Variants in RPRD2 observed in about 807,000 individuals in gnomAD.
RPRD2 encodes regulation of nuclear pre-mRNA domain-containing protein 2.
Under a neutral mutation model 104.4 loss-of-function variants are expected in RPRD2, and 12 were observed. The observed-to-expected ratio is 0.11, with a 90% CI of 0.07 to 0.19. RPRD2 has a LOEUF of 0.19. Ranked by LOEUF, RPRD2 falls within the 10% of genes least tolerant of loss-of-function variation. The pLI, the probability that RPRD2 is intolerant of heterozygous loss-of-function variation, is 1.00. For synonymous variants in RPRD2, 714 were observed against 684.9 expected, an observed-to-expected ratio of 1.04 and a Z score of -0.66; for missense variants, 1,543 against 1,790.1, an observed-to-expected ratio of 0.86 and a Z score of 2.49.
rs775145664 is a variant in RPRD2 at position 150,472,998 on chromosome 1, G to A, written c.4050G>A (p.Gly1350=). Residue 1350 remains glycine (G), a synonymous_variant, in exon 11 of 11, where the codon GGG becomes GGA. Transcript: ENST00000369068. ...FGVLPGPRDH[G]GPTQRDLNGP... is the part of the protein sequence containing the mutation. The stretch of plus-strand genomic sequence containing the variant: ...TACTCCCAGGACCCAGGGACCACGG[G>A]GGCCCCACCCAACGGGACCTCAACG... 9 of 1,613,998 alleles carry A rather than the reference G, an allele frequency of 5.6e-6. No homozygotes were observed. The Admixed American group carries it at 1.5e-4, about 27-fold the overall frequency.
intron 2 of RPRD2, among the ~76,000 whole-genome samples, chr1:150,430,803 C>T (rs782675537): frequency 6.6e-6 from 1 of 152,006 alleles, no homozygotes; most frequent in Admixed American, 6.6e-5. Context: ...GTGGCGCATG[C>T]CTGTAATCCA....
At chr1:150,389,520 A>C (rs782698258) in intron 1 of RPRD2, among the ~76,000 whole-genome samples, 5 of 152,126 alleles carry the variant, frequency 3.3e-5, no homozygotes, top group Admixed American at 6.6e-5. Flanking sequence ...TGATATCAAG[A>C]GTGTCCATCC....
intron 1 of RPRD2, among the ~76,000 whole-genome samples, chr1:150,381,850 C>T (rs1661159305): frequency 6.6e-6 from 1 of 152,076 alleles, no homozygotes; most frequent in Admixed American, 6.6e-5. Context: ...GGGAGACATA[C>T]TGTATTGTAC....
chr1:150,455,629 T>TAAA (rs59418711), intron 7 of RPRD2, among the ~76,000 whole-genome samples: 4,611 of 141,176 alleles, frequency 0.033, 252 homozygotes, highest in African/African-American at 0.11. Context: ...GGACATTAGG[T>TAAA]AAAAAAAAAA....
chr1:150,413,650 G>T (rs1664107456), intron 1 of RPRD2, among the ~76,000 whole-genome samples: 1 of 151,502 alleles, frequency 6.6e-6, no homozygotes, highest in South Asian at 2.1e-4. Context: ...AATCAGCCAG[G>T]TGCAGTGGCT....
chr1:150,436,429 G>A (rs1185891509), intron 2 of RPRD2, among the ~76,000 whole-genome samples: 1 of 151,304 alleles, frequency 6.6e-6, no homozygotes, highest in Non-Finnish European at 1.5e-5. Context: ...GTGAAACCCC[G>A]TCTCTACTAA....
chr1:150,427,949 AT>A (rs1468528160), intron 2 of RPRD2, among the ~76,000 whole-genome samples: 1 of 152,208 alleles, frequency 6.6e-6, no homozygotes, highest in Non-Finnish European at 1.5e-5. Flanking sequence ...TTTGAAGAAA[AT>A]ATAAATATTT....
chr1:150,463,644 C>T (rs189376015), intron 9 of RPRD2, among the ~76,000 whole-genome samples: 9 of 152,070 alleles, frequency 5.9e-5, no homozygotes, highest in Non-Finnish European at 1.2e-4. Flanking sequence ...TAAAGATCAA[C>T]CCAGTGTTTT....
At position 150,388,203 on chromosome 1, in the gene RPRD2, C is replaced by G. The variant is rs1446832518; in HGVS notation, c.205+23284C>G. ...ATAGTGCTGGGATTATAGGCATGAGCCACTGCACCTGGCCCAGACATAATT... is the reference window on the plus strand; with the variant it reads ...ATAGTGCTGGGATTATAGGCATGAGGCACTGCACCTGGCCCAGACATAATT... On this transcript the variant is annotated intron_variant, in intron 1 of 10. Coordinates refer to ENST00000369068, the MANE Select transcript of RPRD2 (RefSeq NM_015203.5). Among the ~76,000 whole-genome samples, 5 of 151,922 alleles carry G rather than the reference C, an allele frequency of 3.3e-5. No individual in the cohort carries two copies. The East Asian group carries it at 9.7e-4, about 29-fold the overall frequency.
At chr1:150,430,642 C>G (rs1407159900) in intron 2 of RPRD2, among the ~76,000 whole-genome samples, 1 of 152,142 alleles carries the variant, frequency 6.6e-6, no homozygotes, top group Admixed American at 6.6e-5. Context: ...GAAGATAACA[C>G]TGTCTGGCTG....
Position 150,460,067 on chromosome 1 carries a change from C to A in RPRD2, c.1161C>A (p.Asp387Glu), listed in dbSNP as rs1667821339. 1 of 1,613,710 alleles carries A rather than the reference C, an allele frequency of 6.2e-7. No homozygotes were observed. The highest frequency in any genetic ancestry group is 8.5e-7 in the Non-Finnish European group (1 of 1,179,722). The change falls in exon 9 of 11, where the codon GAC (aspartate) becomes GAA (glutamate). Residue 387 changes from aspartate to glutamate, a missense_variant. Physicochemically the swap from Asp to Glu is conservative, Grantham distance 45. Coordinates refer to ENST00000369068, the MANE Select transcript of RPRD2 (RefSeq NM_015203.5). ...TTTTCTTTGTTGAAACAGTCGAGGACAGGAAGGAAAAACCTGCAGAGAAGT... is the reference window on the plus strand; with the variant it reads ...TTTTCTTTGTTGAAACAGTCGAGGAAAGGAAGGAAAAACCTGCAGAGAAGT... ...EDDGSKIIVEDRKEKPAEKSA... is the reference protein window; with the variant it reads ...EDDGSKIIVEERKEKPAEKSA...
chr1:150,470,870 C>T lies in RPRD2; in HGVS notation c.1922C>T (p.Ala641Val), dbSNP rs1370904983. Residue 641 changes from alanine to valine, a missense_variant, in exon 11 of 11, where the codon GCC becomes GTC. Ala to Val is a moderately conservative substitution (Grantham distance 64). Transcript: ENST00000369068. ...FTATHNTSPA[A>V]PPTEVTICQS... Reference sequence around the variant, plus strand: ...GCTACCCACAATACTAGCCCTGCTGCCCCACCTACTGAAGTTACCATCTGC... The same window carrying T: ...GCTACCCACAATACTAGCCCTGCTGTCCCACCTACTGAAGTTACCATCTGC... 6 of 1,613,988 alleles carry T rather than the reference C, an allele frequency of 3.7e-6. No homozygotes were observed. The highest frequency in any genetic ancestry group is 4.2e-6 in the Non-Finnish European group (5 of 1,179,900).
At chr1:150,392,880 C>T (rs113331292) in intron 1 of RPRD2, among the ~76,000 whole-genome samples, 66 of 151,702 alleles carry the variant, frequency 4.4e-4, no homozygotes, top group Middle Eastern at 3.4e-3. Flanking sequence ...CCAAAAGGTA[C>T]AGAGGTATGA....
chr1:150,466,965 A>C (rs1287285492), intron 10 of RPRD2, among the ~76,000 whole-genome samples: 1 of 152,192 alleles, frequency 6.6e-6, no homozygotes, highest in African/African-American at 2.4e-5. Flanking sequence ...TAGTTGTCTC[A>C]ACTGGGGTAA....
At chr1:150,366,921 G>T (rs587620103) in intron 1 of RPRD2, among the ~76,000 whole-genome samples, 1 of 152,266 alleles carries the variant, frequency 6.6e-6, no homozygotes, top group African/African-American at 2.4e-5. Flanking sequence ...TGCTGTGTGG[G>T]ATCACAAGCG....
chr1:150,368,901 C>A (rs1423486183), intron 1 of RPRD2, among the ~76,000 whole-genome samples: 1 of 152,188 alleles, frequency 6.6e-6, no homozygotes, highest in Non-Finnish European at 1.5e-5. Context: ...AGCCACTGCA[C>A]CCGGCTTCGC....
chr1:150,398,187 A>ATTTATTTTAT (rs71086507), intron 1 of RPRD2, among the ~76,000 whole-genome samples: 77,070 of 131,904 alleles, frequency 0.58, 22,092 homozygotes, highest in Non-Finnish European at 0.61. Flanking sequence ...GTGTTTTTAT[A>ATTTATTTTAT]TTTATTTTAT....
chr1:150,402,387 T>A (rs1403027763), intron 1 of RPRD2, among the ~76,000 whole-genome samples: 1 of 152,218 alleles, frequency 6.6e-6, no homozygotes, highest in Non-Finnish European at 1.5e-5. Context: ...TATAAAAATG[T>A]AGAGAACAAG....
At chr1:150,433,143 A>G (rs1665721947) in intron 2 of RPRD2, among the ~76,000 whole-genome samples, 1 of 152,132 alleles carries the variant, frequency 6.6e-6, no homozygotes. Context: ...CTATGTACCC[A>G]TAAAAATTTT....
Sources: allele counts gnomAD v4.1 joint callset (sites outside exome capture counted in the v4.1 genomes callset), GRCh38; gene constraint gnomAD v4.1.1; transcripts MANE v1.5; gene names NCBI Gene and HGNC (gene_info 2026-07-23, HGNC 2026-07-21).